The following GSE1 variants were observed in gnomAD, a reference collection of about 807,000 sequenced individuals.
The protein encoded by GSE1 is genetic suppressor element 1.
GSE1 carries 32 observed loss-of-function variants against 112.6 expected under a neutral mutation model. That is an observed-to-expected ratio of 0.28 (90% CI 0.21 to 0.38). The LOEUF is 0.38. Among genes scored for constraint, GSE1 ranks in the 10% least tolerant of loss-of-function variants. The pLI is 1.00. For missense variants in GSE1, 2,348 were observed against 1,699.2 expected (o/e 1.38, Z -6.71); for synonymous variants, 1,115 against 735.6 (o/e 1.52, Z -8.35).
At chr16:85,235,525 G>A (rs1450337517) in intron 1 of GSE1, among the ~76,000 whole-genome samples, 1 of 142,830 alleles carries the variant, frequency 7.0e-6, no homozygotes, top group Admixed American at 7.1e-5. Flanking sequence ...GGTCTTTCCT[G>A]GCCAGACCTG....
intron 1 of GSE1, among the ~76,000 whole-genome samples, chr16:85,179,183 G>T (rs866890311): frequency 6.6e-6 from 1 of 152,160 alleles, no homozygotes; most frequent in Admixed American, 6.5e-5. Context: ...CCCACCCCTG[G>T]CACCCACTCG....
chr16:85,364,256 G>A (rs979383838), intron 2 of GSE1, among the ~76,000 whole-genome samples: 3 of 152,080 alleles, frequency 2.0e-5, no homozygotes, highest in Non-Finnish European at 4.4e-5. Context: ...CCCTGCTTCC[G>A]GGTGGCACCT....
rs569243667 is a variant in GSE1 at position 85,208,783 on chromosome 16, C to T, written c.2283+36976C>T. ...ATGGGGGTGGGGGTGGGGTTCGCCG[C>T]GTGTTGGGGTTCGCCTGTGTTGGGG... On this transcript the variant is annotated intron_variant, in intron 1 of 2. Transcript: ENST00000637419. Among the ~76,000 whole-genome samples, 163 of 151,586 alleles carry T rather than the reference C, an allele frequency of 1.1e-3. 1 individual carries two copies. The highest frequency in any genetic ancestry group is 3.7e-3 in the African/African-American group (154 of 41,276).
rs1347958604 is a variant in GSE1 at position 85,662,826 on chromosome 16, G to C, written c.2261-155G>C. The C allele has an allele frequency of 9.8e-6, 6 of 609,540 alleles. No individual in the cohort carries two copies. In the Admixed American group the frequency reaches 1.7e-4, roughly 17 times the overall value. 37.8% of individuals were successfully genotyped at this position (609,540 alleles called of 1,614,324 possible). ...AAGCCCCAGGACTGGGTTAATGTTG[G>C]TTTCCACCTCGGTTGAAAGGAACTG... On this transcript the variant is annotated intron_variant, in intron 9 of 15. Coordinates refer to ENST00000253458, the MANE Select transcript of GSE1 (RefSeq NM_014615.5).
intron 1 of GSE1, among the ~76,000 whole-genome samples, chr16:85,182,677 G>C (rs1489430362): frequency 1.3e-5 from 2 of 152,128 alleles, no homozygotes; most frequent in Non-Finnish European, 2.9e-5. Flanking sequence ...GGTGAACCAG[G>C]CCTGTCTTTA....
At chr16:85,380,074 T>G (rs1007242406) in intron 2 of GSE1, among the ~76,000 whole-genome samples, 1 of 152,190 alleles carries the variant, frequency 6.6e-6, no homozygotes, top group African/African-American at 2.4e-5. Context: ...AACATTCTGA[T>G]GGGCTAAAAG....
intron 2 of GSE1, among the ~76,000 whole-genome samples, chr16:85,548,765 C>A (rs764397349): frequency 4.6e-5 from 7 of 152,178 alleles, no homozygotes; most frequent in Non-Finnish European, 7.3e-5. Flanking sequence ...TAGGCCCACC[C>A]TAATCATCCA....
At chr16:85,289,118 C>T (rs937762215) in intron 1 of GSE1, among the ~76,000 whole-genome samples, 3 of 152,186 alleles carry the variant, frequency 2.0e-5, no homozygotes, top group African/African-American at 7.2e-5. Context: ...TAATCTTTGG[C>T]ACAGCCCTGA....
At chr16:85,654,196 G>GT in intron 3 of GSE1, 82 bp from the exon 4 acceptor site, 8 of 1,305,796 alleles carry the variant, frequency 6.1e-6, no homozygotes, top group Non-Finnish European at 8.5e-6. Flanking sequence ...GCGCCTTCCC[G>GT]TGAGTCAGGA....
intron 1 of GSE1, among the ~76,000 whole-genome samples, chr16:85,349,669 C>T (rs61169829): frequency 6.6e-6 from 1 of 152,154 alleles, no homozygotes; most frequent in Non-Finnish European, 1.5e-5. Flanking sequence ...GGCTTCGTGC[C>T]TGTGCTTGAT....
intron 2 of GSE1, among the ~76,000 whole-genome samples, chr16:85,457,449 T>C (rs1253098749): frequency 6.6e-6 from 1 of 152,206 alleles, no homozygotes. Context: ...GGGATACAGA[T>C]CATCCTGGGT....
chr16:85,622,100 A>G (rs1431556967), intron 1 of GSE1, among the ~76,000 whole-genome samples: 1 of 152,238 alleles, frequency 6.6e-6, no homozygotes, highest in Non-Finnish European at 1.5e-5. Context: ...GCAGTCAGCC[A>G]TTCAGCAGTT....
At chr16:85,335,989 G>C (rs938497897) in intron 1 of GSE1, among the ~76,000 whole-genome samples, 8 of 152,170 alleles carry the variant, frequency 5.3e-5, no homozygotes, top group South Asian at 2.1e-4. Context: ...ACAGAGCCAG[G>C]GCAGGACCGC....
intron 2 of GSE1, among the ~76,000 whole-genome samples, chr16:85,548,504 T>A (rs1303524242): frequency 6.6e-6 from 1 of 152,208 alleles, no homozygotes; most frequent in Non-Finnish European, 1.5e-5. Flanking sequence ...AGTGTTTGCC[T>A]TTCTATGTCT....
chr16:85,169,912 G>A (rs1469090357), exon 1 of GSE1: 16 of 984,350 alleles, frequency 1.6e-5, no homozygotes, highest in Non-Finnish European at 1.9e-5. Context: ...CGGCCGCCGT[G>A]GCGGCGCCGG....
chr16:85,636,923 T>C (rs2050051568), intron 2 of GSE1, among the ~76,000 whole-genome samples: 1 of 150,326 alleles, frequency 6.7e-6, no homozygotes, highest in Non-Finnish European at 1.5e-5. Flanking sequence ...TCCCCTGTGC[T>C]ACCCCCCCAG....
intron 2 of GSE1, among the ~76,000 whole-genome samples, chr16:85,542,833 C>T (rs1179531747): frequency 6.6e-6 from 1 of 152,232 alleles, no homozygotes; most frequent in African/African-American, 2.4e-5. Flanking sequence ...GGGCTTCTCC[C>T]TCCCTGCAGC....
chr16:85,579,836 G>C (rs1268625247), intron 1 of GSE1, among the ~76,000 whole-genome samples: 1 of 152,146 alleles, frequency 6.6e-6, no homozygotes, highest in Non-Finnish European at 1.5e-5. Context: ...TCCATGGATG[G>C]GGAGCTCACC....
At chr16:85,644,343 C>CAA (rs749279315) in intron 2 of GSE1, among the ~76,000 whole-genome samples, 2,385 of 119,606 alleles carry the variant, frequency 0.02, 52 homozygotes, top group African/African-American at 0.052. Context: ...GATCCTGTCT[C>CAA]AAAAAAAAAA....
Sources: gnomAD v4.1 joint callset for allele counts (sites outside exome capture counted in the v4.1 genomes callset) on GRCh38, gnomAD v4.1.1 for gene constraint, MANE v1.5 for transcripts, NCBI Gene and HGNC (gene_info 2026-07-23, HGNC 2026-07-21) for gene names.